Variants in STXBP6 observed in about 807,000 individuals in gnomAD.
The protein encoded by STXBP6 is syntaxin binding protein 6, also known as syntaxin-binding protein 6.
Under a neutral mutation model 26.9 loss-of-function variants are expected in STXBP6, and 21 were observed. The observed-to-expected ratio is 0.78, with a 90% CI of 0.55 to 1.12. STXBP6 has a LOEUF of 1.12. Among genes scored for constraint, STXBP6 ranks in the 50% most tolerant of loss-of-function variants. The pLI is 0.00. For missense variants in STXBP6, 232 were observed against 257.9 expected (o/e 0.90, Z 0.69); for synonymous variants, 97 against 92.6 (o/e 1.05, Z -0.27).
intron 2 of STXBP6, among the ~76,000 whole-genome samples, chr14:24,972,350 T>C (rs1178798444): frequency 1.3e-5 from 2 of 152,210 alleles, no homozygotes; most frequent in African/African-American, 4.8e-5. Context: ...GAAATGGTTA[T>C]GCTATTTCAC....
In STXBP6 at chr14:24,956,517, G is replaced by C. The variant is rs145498964; in HGVS notation, c.154+18148C>G. Among the ~76,000 whole-genome samples the C allele has an allele frequency of 7.9e-3, 1,205 of 152,120 alleles. 17 individuals are homozygous for C. The highest frequency in any genetic ancestry group is 0.027 in the African/African-American group (1,120 of 41,502). On this transcript the variant is annotated intron_variant, in intron 2 of 5. Coordinates refer to ENST00000323944, the MANE Select transcript of STXBP6 (RefSeq NM_001394410.1). ...TTTTATATCCTTAAAGTGTGTTATC[G>C]AACTGCAGGGAATTCTAGCTTTTCT...
rs193075875 is a variant in STXBP6 at position 25,017,977 on chromosome 14, C to T, written c.-33+31901G>A. ...TTTTCTCTTTCCAAATGCTCTTGGT[C>T]GTGGATCACCCATAGGTCTTCTCCT... On this transcript the variant is annotated intron_variant, in intron 1 of 5. Transcript: ENST00000323944. 7.2e-5 allele frequency among the ~76,000 whole-genome samples: 11 copies of T among 152,252 alleles called. 1 individual carries two copies. In the Middle Eastern group the frequency reaches 0.01, roughly 141 times the overall value.
In STXBP6 at chr14:24,895,606, TCA is replaced by T. The variant is rs1481638690; in HGVS notation, c.155-38451_155-38450del. On this transcript the variant is annotated intron_variant, in intron 2 of 5. Coordinates refer to ENST00000323944, the MANE Select transcript of STXBP6 (RefSeq NM_001394410.1). ...CATACAGGATTGAGGTCAGAGTCAT[TCA>T]CAGACATTCGAAGATATGAATAAAA... Among the ~76,000 whole-genome samples the T allele has an allele frequency of 8.5e-5, 13 of 152,318 alleles. 1 individual carries two copies. The highest frequency in any genetic ancestry group is 3.4e-3 in the Middle Eastern group (1 of 294).
At chr14:24,985,254 T>A (rs1462249628) in intron 1 of STXBP6, among the ~76,000 whole-genome samples, 2 of 152,104 alleles carry the variant, frequency 1.3e-5, no homozygotes, top group African/African-American at 4.8e-5. Flanking sequence ...CTGCAACAGA[T>A]CTCTAACTCC....
At chr14:24,914,923 G>C (rs757907544) in intron 2 of STXBP6, among the ~76,000 whole-genome samples, 1 of 152,194 alleles carries the variant, frequency 6.6e-6, no homozygotes, top group Non-Finnish European at 1.5e-5. Context: ...AAACATGCAA[G>C]TGCCAGGCAG....
At chr14:24,949,866 C>T (rs2073105762) in intron 2 of STXBP6, among the ~76,000 whole-genome samples, 1 of 152,138 alleles carries the variant, frequency 6.6e-6, no homozygotes, top group South Asian at 2.1e-4. Flanking sequence ...CTATTCAAAC[C>T]GTGTTCAAAT....
chr14:24,960,359 G>T (rs2073490230), intron 2 of STXBP6, among the ~76,000 whole-genome samples: 2 of 152,148 alleles, frequency 1.3e-5, no homozygotes, highest in African/African-American at 4.8e-5. Context: ...CTCTAACCAT[G>T]ACTATGCCTC....
At chr14:24,857,800 C>A (rs2069392414) in intron 2 of STXBP6, among the ~76,000 whole-genome samples, 1 of 151,936 alleles carries the variant, frequency 6.6e-6, no homozygotes, top group African/African-American at 2.4e-5. Flanking sequence ...TTCTCTCAGC[C>A]TCAGTGAGTT....
intron 2 of STXBP6, among the ~76,000 whole-genome samples, chr14:24,867,878 G>A (rs541015216): frequency 1.3e-5 from 2 of 152,276 alleles, no homozygotes; most frequent in South Asian, 4.1e-4. Flanking sequence ...CAAACTGTGA[G>A]AACATATTTG....
chr14:24,858,687 C>T (rs574901902), intron 2 of STXBP6, among the ~76,000 whole-genome samples: 4 of 151,966 alleles, frequency 2.6e-5, no homozygotes, highest in South Asian at 4.1e-4. Flanking sequence ...CCATTTAATT[C>T]GATTCATTTA....
At chr14:24,854,756 C>CTA (rs2069269886) in intron 4 of STXBP6, among the ~76,000 whole-genome samples, 1 of 152,010 alleles carries the variant, frequency 6.6e-6, no homozygotes, top group Non-Finnish European at 1.5e-5. Context: ...TGATACAGAG[C>CTA]TATATCTTAT....
intron 1 of STXBP6, among the ~76,000 whole-genome samples, chr14:24,987,366 T>C (rs559501525): frequency 6.6e-6 from 1 of 152,338 alleles, no homozygotes; most frequent in South Asian, 2.1e-4. Context: ...CTTTGAGACC[T>C]GCATCTTCAC....
chr14:25,039,432 T>C (rs2075605961), intron 1 of STXBP6, among the ~76,000 whole-genome samples: 1 of 152,216 alleles, frequency 6.6e-6, no homozygotes, highest in South Asian at 2.1e-4. Context: ...AGTTTCTCTC[T>C]CATTCTGTCT....
intron 4 of STXBP6, among the ~76,000 whole-genome samples, chr14:24,852,957 T>C (rs1457803077): frequency 6.6e-6 from 1 of 152,158 alleles, no homozygotes; most frequent in Non-Finnish European, 1.5e-5. Context: ...TTGATCTCTC[T>C]GATTCTGTTT....
chr14:24,858,596 T>A (rs764450989), intron 2 of STXBP6, among the ~76,000 whole-genome samples: 1 of 152,170 alleles, frequency 6.6e-6, no homozygotes, highest in Non-Finnish European at 1.5e-5. Flanking sequence ...AATTTTATAG[T>A]CTTCTATTCA....
chr14:24,999,987 T>C (rs2074713826), intron 1 of STXBP6, among the ~76,000 whole-genome samples: 1 of 152,216 alleles, frequency 6.6e-6, no homozygotes, highest in African/African-American at 2.4e-5. Context: ...TACGAGTTTT[T>C]CCGCTTATAA....
At chr14:24,871,473 A>G (rs1488995737) in intron 2 of STXBP6, among the ~76,000 whole-genome samples, 1 of 152,198 alleles carries the variant, frequency 6.6e-6, no homozygotes, top group Non-Finnish European at 1.5e-5. Flanking sequence ...CCATGGAGAA[A>G]GAATAACTTC....
intron 2 of STXBP6, among the ~76,000 whole-genome samples, chr14:24,942,622 G>T (rs560544290): frequency 1.4e-4 from 22 of 152,172 alleles, no homozygotes; most frequent in Admixed American, 8.5e-4. Context: ...GCCCACTGAC[G>T]GTCTGATCTT....
intron 2 of STXBP6, among the ~76,000 whole-genome samples, chr14:24,958,366 C>T (rs947385662): frequency 1.6e-4 from 25 of 152,084 alleles, no homozygotes; most frequent in Non-Finnish European, 2.8e-4. Flanking sequence ...CAAAACTCTC[C>T]CCCTGCTTGT....
Sources: allele counts gnomAD v4.1 joint callset (sites outside exome capture counted in the v4.1 genomes callset), GRCh38; gene constraint gnomAD v4.1.1; transcripts MANE v1.5; gene names NCBI Gene and HGNC (gene_info 2026-07-23, HGNC 2026-07-21).